SGMS1: variants seen among roughly 807,000 people sequenced by gnomAD.
SGMS1 encodes phosphatidylcholine:ceramide cholinephosphotransferase 1.
Under a neutral mutation model 46.2 loss-of-function variants are expected in SGMS1, and 13 were observed. That is an observed-to-expected ratio of 0.28 (90% CI 0.18 to 0.45). The LOEUF is 0.45. SGMS1 is among the 20% of genes least tolerant of loss of function. The pLI is 1.00. For missense variants in SGMS1, 324 were observed against 519.9 expected (o/e 0.62, Z 3.66); for synonymous variants, 203 against 187.8 (o/e 1.08, Z -0.66).
intron 1 of SGMS1, among the ~76,000 whole-genome samples, chr10:50,595,239 G>A (rs1176291847): frequency 2.0e-5 from 3 of 151,622 alleles, no homozygotes; most frequent in Non-Finnish European, 4.4e-5. Context: ...GCAGTAGCAC[G>A]ATCTCGGCTC....
chr10:50,467,142 C>T (rs1837337699), intron 3 of SGMS1, among the ~76,000 whole-genome samples: 1 of 151,880 alleles, frequency 6.6e-6, no homozygotes, highest in South Asian at 2.1e-4. Flanking sequence ...CAGAAACAAG[C>T]ATGCAAATCC....
chr10:50,430,552 A>C (rs1243299705), intron 6 of SGMS1, among the ~76,000 whole-genome samples: 1 of 151,464 alleles, frequency 6.6e-6, no homozygotes, highest in Non-Finnish European at 1.5e-5. Flanking sequence ...TAGTTTTTGC[A>C]TTCTAAAGTT....
chr10:50,330,293 A>AAAAAAC (rs1554923637), intron 7 of SGMS1, among the ~76,000 whole-genome samples: 1 of 150,070 alleles, frequency 6.7e-6, no homozygotes, highest in East Asian at 2.0e-4. Context: ...GTCTCTACTA[A>AAAAAAC]AAAACAAAAC....
chr10:50,415,719 G>A (rs1849160912), intron 6 of SGMS1, among the ~76,000 whole-genome samples: 1 of 152,280 alleles, frequency 6.6e-6, no homozygotes, highest in East Asian at 1.9e-4. Flanking sequence ...GATCAGACAC[G>A]CTGAGACTTT....
intron 3 of SGMS1, among the ~76,000 whole-genome samples, chr10:50,512,200 A>G (rs1013974521): frequency 3.3e-5 from 5 of 152,146 alleles, no homozygotes; most frequent in Non-Finnish European, 1.5e-5. Context: ...GGCACCTGAG[A>G]GAGGGCAGAC....
At chr10:50,411,002 T>C (rs1849089348) in intron 6 of SGMS1, among the ~76,000 whole-genome samples, 1 of 152,222 alleles carries the variant, frequency 6.6e-6, no homozygotes, top group Non-Finnish European at 1.5e-5. Flanking sequence ...AGTTTAATAA[T>C]TTCTTTTGGA....
chr10:50,538,274 G>A (rs1381410669), intron 2 of SGMS1, among the ~76,000 whole-genome samples: 1 of 151,770 alleles, frequency 6.6e-6, no homozygotes, highest in African/African-American at 2.4e-5. Flanking sequence ...TGGCTAACAT[G>A]GTGAAACCCC....
chr10:50,358,655 C>T (rs1169294205), intron 6 of SGMS1, among the ~76,000 whole-genome samples: 1 of 152,216 alleles, frequency 6.6e-6, no homozygotes, highest in African/African-American at 2.4e-5. Context: ...TGTCACTGCA[C>T]TCCAGCCTCC....
At chr10:50,436,623 A>G (rs942201610) in intron 5 of SGMS1, among the ~76,000 whole-genome samples, 1 of 152,186 alleles carries the variant, frequency 6.6e-6, no homozygotes, top group Non-Finnish European at 1.5e-5. Flanking sequence ...CAATGTTAAG[A>G]TTCCATAACA....
intron 4 of SGMS1, among the ~76,000 whole-genome samples, chr10:50,464,607 AT>A (rs1837307545): frequency 6.6e-6 from 1 of 152,068 alleles, no homozygotes; most frequent in Admixed American, 6.5e-5. Flanking sequence ...TAATTTTTGT[AT>A]TTTTTGGTAG....
chr10:50,345,073 C>A lies in SGMS1; in HGVS notation c.-231-728G>T, dbSNP rs193204695. On this transcript the variant is annotated intron_variant, in intron 6 of 10. Transcript: ENST00000361781. The stretch of plus-strand genomic sequence containing the variant: ...TAAAAATGTACATAACATACAGCAA[C>A]TCACAGAATTGCTGAGCTTCAAAAT... 1.8e-3 allele frequency among the ~76,000 whole-genome samples: 279 copies of A among 152,066 alleles called. 1 individual carries two copies. Among genetic ancestry groups the A allele is most frequent in the African/African-American group, 6.4e-3 (267 of 41,476 alleles).
At chr10:50,489,826 T>A (rs535072855) in intron 3 of SGMS1, among the ~76,000 whole-genome samples, 1 of 151,978 alleles carries the variant, frequency 6.6e-6, no homozygotes, top group Non-Finnish European at 1.5e-5. Context: ...ATACAAAAAT[T>A]AGCTGGGCGT....
At chr10:50,486,946 G>A (rs1837525984) in intron 3 of SGMS1, among the ~76,000 whole-genome samples, 1 of 152,178 alleles carries the variant, frequency 6.6e-6, no homozygotes, top group East Asian at 1.9e-4. Context: ...AGAAAATGTG[G>A]TACACATATA....
Position 50,344,201 on chromosome 10 carries a change from C to G in SGMS1, c.-87G>C, listed in dbSNP as rs545988449. On this transcript the variant is annotated 5_prime_UTR_variant, in exon 7 of 11. Coordinates refer to ENST00000361781, the MANE Select transcript of SGMS1 (RefSeq NM_147156.4). ...GACAGGGCAGGACACTGTCCTGCCTCGGCTCGTTCATCCTGTGGGGCCTCA... is the reference window on the plus strand; with the variant it reads ...GACAGGGCAGGACACTGTCCTGCCTGGGCTCGTTCATCCTGTGGGGCCTCA... 1.1e-5 allele frequency: 17 copies of G among 1,488,118 alleles called. No individual in the cohort carries two copies. The highest frequency in any genetic ancestry group is 2.3e-5 in the Admixed American group (1 of 43,932). 92.2% of individuals were successfully genotyped at this position (1,488,118 alleles called of 1,614,324 possible). A position where few individuals can be genotyped will look rare whatever the true frequency, so the allele number is the denominator to read the frequency against.
intron 2 of SGMS1, among the ~76,000 whole-genome samples, chr10:50,541,378 A>C (rs1369367986): frequency 6.6e-6 from 1 of 152,178 alleles, no homozygotes; most frequent in Non-Finnish European, 1.5e-5. Flanking sequence ...TTTCTTAAGG[A>C]GTACTGTACA....
chr10:50,587,516 C>T (rs1232268876), intron 2 of SGMS1, among the ~76,000 whole-genome samples: 1 of 152,080 alleles, frequency 6.6e-6, no homozygotes, highest in Admixed American at 6.6e-5. Context: ...ACCTGTAATC[C>T]CAGCTACTCG....
At chr10:50,458,161 C>T (rs1161120603) in intron 5 of SGMS1, among the ~76,000 whole-genome samples, 1 of 152,148 alleles carries the variant, frequency 6.6e-6, no homozygotes, top group Non-Finnish European at 1.5e-5. Context: ...GAGGATGAGG[C>T]TTATTTAGCT....
chr10:50,390,680 T>A (rs1334156568), intron 6 of SGMS1, among the ~76,000 whole-genome samples: 1 of 152,330 alleles, frequency 6.6e-6, no homozygotes, highest in African/African-American at 2.4e-5. Flanking sequence ...AATGTTCATG[T>A]CTAGATACTT....
intron 2 of SGMS1, among the ~76,000 whole-genome samples, chr10:50,551,257 T>C (rs1370690585): frequency 6.6e-6 from 1 of 151,804 alleles, no homozygotes; most frequent in East Asian, 1.9e-4. Context: ...TTCATTTCTG[T>C]GATCTTCCTC....
Sources: allele counts gnomAD v4.1 joint callset (sites outside exome capture counted in the v4.1 genomes callset), GRCh38; gene constraint gnomAD v4.1.1; transcripts MANE v1.5; gene names NCBI Gene and HGNC (gene_info 2026-07-23, HGNC 2026-07-21).